The following KCNAB1 variants were observed in gnomAD, a reference collection of about 807,000 sequenced individuals.
KCNAB1 encodes the protein potassium voltage-gated channel subfamily A regulatory beta subunit 1, also known as voltage-gated potassium channel subunit beta-1.
Under a neutral mutation model 64.6 loss-of-function variants are expected in KCNAB1, and 35 were observed. That is an observed-to-expected ratio of 0.54 (90% CI 0.41 to 0.72). KCNAB1 has a LOEUF of 0.72. Among genes scored for constraint, KCNAB1 ranks in the 30% least tolerant of loss-of-function variants. KCNAB1 has a pLI of 0.00. For missense variants in KCNAB1, 401 were observed against 512.9 expected (o/e 0.78, Z 2.11); for synonymous variants, 177 against 183.8 (o/e 0.96, Z 0.30).
At chr3:156,465,510 T>C in intron 6 of KCNAB1, 133 bp from the exon 7 acceptor site, 2 of 705,048 alleles carry the variant, frequency 2.8e-6, no homozygotes, top group East Asian at 2.7e-5. Context: ...ACCAGACTTC[T>C]CTCCTTAGCC....
intron 8 of KCNAB1, 93 bp downstream of exon 8, chr3:156,474,913 T>G (rs1576914277): frequency 1.0e-6 from 1 of 985,750 alleles, no homozygotes; most frequent in East Asian, 2.5e-5. Context: ...GTATTCAGAC[T>G]GATCAAACTG....
At chr3:156,164,360 G>A (rs563502449) in intron 1 of KCNAB1, among the ~76,000 whole-genome samples, 1 of 152,268 alleles carries the variant, frequency 6.6e-6, no homozygotes, top group South Asian at 2.1e-4. Flanking sequence ...CAATGAGGCC[G>A]CTCTCTTGAG....
intron 1 of KCNAB1, among the ~76,000 whole-genome samples, chr3:156,364,714 G>T (rs1725838538): frequency 6.6e-6 from 1 of 152,104 alleles, no homozygotes; most frequent in Admixed American, 6.5e-5. Flanking sequence ...GGAGGTGGAG[G>T]TTCCGGTGAG....
At chr3:156,426,504 C>T (rs1715828558) in intron 2 of KCNAB1, among the ~76,000 whole-genome samples, 1 of 152,182 alleles carries the variant, frequency 6.6e-6, no homozygotes, top group Admixed American at 6.5e-5. Flanking sequence ...CCATAGTTTA[C>T]ATTAGGGTTC....
intron 1 of KCNAB1, among the ~76,000 whole-genome samples, chr3:156,397,124 A>G (rs1713522842): frequency 2.0e-5 from 3 of 152,300 alleles, no homozygotes; most frequent in South Asian, 4.1e-4. Flanking sequence ...CTCCTTCTAT[A>G]AAGTATTTGA....
intron 1 of KCNAB1, among the ~76,000 whole-genome samples, chr3:156,135,600 G>C (rs1714298281): frequency 1.3e-5 from 2 of 152,230 alleles, no homozygotes; most frequent in Admixed American, 1.3e-4. Flanking sequence ...TAAGTGCCTA[G>C]AAGATGAAGA....
chr3:156,276,623 C>A (rs1490387600), intron 1 of KCNAB1, among the ~76,000 whole-genome samples: 1 of 152,176 alleles, frequency 6.6e-6, no homozygotes, highest in African/African-American at 2.4e-5. Context: ...TTAGTACTTA[C>A]TGCTTCACCT....
intron 8 of KCNAB1, among the ~76,000 whole-genome samples, chr3:156,478,021 T>C (rs1714498579): frequency 6.6e-6 from 1 of 152,186 alleles, no homozygotes; most frequent in Non-Finnish European, 1.5e-5. Flanking sequence ...AAGGCAAATG[T>C]TATTTATAAT....
At chr3:156,165,044 C>T (rs1180973277) in intron 1 of KCNAB1, among the ~76,000 whole-genome samples, 3 of 151,844 alleles carry the variant, frequency 2.0e-5, no homozygotes, top group Non-Finnish European at 4.4e-5. Flanking sequence ...TTTGGGAGGC[C>T]GAGGCGGGCG....
intron 1 of KCNAB1, among the ~76,000 whole-genome samples, chr3:156,412,685 TAAAC>T (rs1254364374): frequency 2.0e-5 from 3 of 152,168 alleles, no homozygotes; most frequent in South Asian, 2.1e-4. Context: ...TGATCAGAGA[TAAAC>T]AGAGAGAGAG....
chr3:156,167,748 T>C (rs1711685317), intron 1 of KCNAB1, among the ~76,000 whole-genome samples: 1 of 152,166 alleles, frequency 6.6e-6, no homozygotes, highest in Non-Finnish European at 1.5e-5. Context: ...TAAGGTGATA[T>C]GGTGTGGGAT....
intron 1 of KCNAB1, among the ~76,000 whole-genome samples, chr3:156,397,284 G>C (rs569499400): frequency 6.6e-6 from 1 of 152,206 alleles, no homozygotes; most frequent in Non-Finnish European, 1.5e-5. Context: ...TACATGTGTT[G>C]CTTATTGGGA....
chr3:156,222,141 G>T (rs1027213325), intron 1 of KCNAB1, among the ~76,000 whole-genome samples: 1 of 152,076 alleles, frequency 6.6e-6, no homozygotes, highest in Admixed American at 6.5e-5. Context: ...ATGGCAGAAT[G>T]GATAAGAATT....
chr3:156,180,640 T>C (rs34721485), intron 1 of KCNAB1, among the ~76,000 whole-genome samples: 16,002 of 152,300 alleles, frequency 0.11, 1,150 homozygotes, highest in Non-Finnish European at 0.15. Flanking sequence ...AATAACTGCT[T>C]TTTGAATACC....
At chr3:156,307,066 T>C (rs1473679502) in intron 1 of KCNAB1, among the ~76,000 whole-genome samples, 1 of 152,202 alleles carries the variant, frequency 6.6e-6, no homozygotes, top group Non-Finnish European at 1.5e-5. Flanking sequence ...AGTTAATTCA[T>C]AGAAAAATAT....
chr3:156,137,218 A>ATT (rs1714398405), intron 1 of KCNAB1, among the ~76,000 whole-genome samples: 1 of 71,372 alleles, frequency 1.4e-5, no homozygotes, highest in Non-Finnish European at 2.9e-5. Context: ...TGTATCATAC[A>ATT]TTGGTGGGGG....
At chr3:156,151,886 G>T (rs760954144) in intron 1 of KCNAB1, among the ~76,000 whole-genome samples, 1 of 152,122 alleles carries the variant, frequency 6.6e-6, no homozygotes, top group South Asian at 2.1e-4. Flanking sequence ...ATATTTTGTT[G>T]TCATATCTTT....
intron 1 of KCNAB1, among the ~76,000 whole-genome samples, chr3:156,328,554 G>A (rs543483115): frequency 2.0e-5 from 3 of 152,052 alleles, no homozygotes; most frequent in Non-Finnish European, 4.4e-5. Context: ...TAGTTATGTC[G>A]TTATTGTATT....
intron 1 of KCNAB1, among the ~76,000 whole-genome samples, chr3:156,419,731 G>A (rs902614236): frequency 6.6e-6 from 1 of 152,174 alleles, no homozygotes; most frequent in Non-Finnish European, 1.5e-5. Flanking sequence ...TCCACGGTAA[G>A]ATGTATCCCA....
Sources: gnomAD v4.1 joint callset for allele counts (sites outside exome capture counted in the v4.1 genomes callset) on GRCh38, gnomAD v4.1.1 for gene constraint, MANE v1.5 for transcripts, NCBI Gene and HGNC (gene_info 2026-07-23, HGNC 2026-07-21) for gene names.